Variants in A2ML1 observed in about 807,000 individuals in gnomAD.
A2ML1 encodes alpha-2-macroglobulin like 1.
Under a neutral mutation model 181.9 loss-of-function variants are expected in A2ML1, and 161 were observed. The ratio of observed to expected loss-of-function variants is 0.89; its 90% CI spans 0.78 to 1.01. The LOEUF (loss-of-function observed/expected upper bound fraction) is 1.01, where lower values mean the gene tolerates loss of function less well. A2ML1 is among the 50% of genes least tolerant of loss of function. A2ML1 has a pLI of 0.00. For missense variants in A2ML1, 1,670 were observed against 1,768.1 expected (o/e 0.94, Z 1.00); for synonymous variants, 663 against 666.8 (o/e 0.99, Z 0.09).
chr12:8,824,772 T>C (rs1169477401), intron 3 of A2ML1, among the ~76,000 whole-genome samples: 1 of 152,140 alleles, frequency 6.6e-6, no homozygotes, highest in African/African-American at 2.4e-5. Flanking sequence ...ATTATTATTC[T>C]ATTCTCTATC....
chr12:8,844,893 C>T (rs1943613845), intron 12 of A2ML1: 3 of 903,132 alleles, frequency 3.3e-6, no homozygotes, highest in African/African-American at 1.7e-5. Flanking sequence ...TGGAGCCCTG[C>T]AGGAGCGTGG....
At chr12:8,868,998 C>A (rs1944530613) in intron 32 of A2ML1, 137 bp from the exon 33 acceptor site, 5 of 781,720 alleles carry the variant, frequency 6.4e-6, no homozygotes, top group Non-Finnish European at 1.1e-5. Context: ...TGACATGCAA[C>A]TTGTAATAGT....
chr12:8,856,898 CTTTTTTTTT>C, intron 23 of A2ML1, among the ~76,000 whole-genome samples: 1 of 124,972 alleles, frequency 8.0e-6, no homozygotes, highest in Non-Finnish European at 1.6e-5. Flanking sequence ...ACAGTAGGTA[CTTTTTTTTT>C]TTTTTTTTTT....
At chr12:8,840,551 C>A (rs1943432899) in intron 10 of A2ML1, among the ~76,000 whole-genome samples, 1 of 151,948 alleles carries the variant, frequency 6.6e-6, no homozygotes, top group African/African-American at 2.4e-5. Flanking sequence ...AGGGTGGGTG[C>A]AAATTATTTT....
intron 14 of A2ML1, among the ~76,000 whole-genome samples, chr12:8,847,098 CTTTTTTTTTTT>C (rs1212257948): frequency 1.1e-5 from 1 of 93,300 alleles, no homozygotes; most frequent in African/African-American, 4.5e-5. Flanking sequence ...CCATGCCTGG[CTTTTTTTTTTT>C]TTTTTTTTTT....
At chr12:8,869,292 C>A in intron 33 of A2ML1, 89 bp downstream of exon 33, 1 of 1,354,694 alleles carries the variant, frequency 7.4e-7, no homozygotes, top group Non-Finnish European at 1.1e-6. Context: ...GTGTCACACA[C>A]ATGGGGATGA....
At chr12:8,828,446 T>C (rs947067738) in intron 3 of A2ML1, among the ~76,000 whole-genome samples, 4 of 152,246 alleles carry the variant, frequency 2.6e-5, no homozygotes, top group Non-Finnish European at 2.9e-5. Flanking sequence ...CAAAGTCTCC[T>C]TTCACCAGCT....
At chr12:8,877,971 G>A (rs1181583731), downstream of A2ML1, among the ~76,000 whole-genome samples, 1 of 152,038 alleles carries the variant, frequency 6.6e-6, no homozygotes, top group Non-Finnish European at 1.5e-5. Flanking sequence ...AAGAAAATGT[G>A]GTCCATGTAT....
intron 11 of A2ML1, among the ~76,000 whole-genome samples, chr12:8,842,218 T>C (rs1270915345): frequency 6.7e-6 from 1 of 148,508 alleles, no homozygotes; most frequent in Admixed American, 6.7e-5. Context: ...CATATGTTTT[T>C]TTCTTTTTTT....
rs1429502685 is a variant in A2ML1, at chr12:8,852,208, A to T, written c.2464-2A>T. Reference sequence around the variant, plus strand: ...CCTTTGTCTCTTAAACATCCTCCGTAGGTTCAGACTGACCTGGCTAAATCG... The same window carrying T: ...CCTTTGTCTCTTAAACATCCTCCGTTGGTTCAGACTGACCTGGCTAAATCG... On this transcript the variant is annotated splice_acceptor_variant, in intron 19 of 35. Coordinates refer to ENST00000299698, the MANE Select transcript of A2ML1 (RefSeq NM_144670.6). LOFTEE classifies it high-confidence loss of function. This position sits in a 1 kb window ranked among gnomAD's most constrained non-coding sequence, Gnocchi z 4.2. 2.5e-6 allele frequency: 4 copies of T among 1,613,944 alleles called. No homozygotes were observed. In the African/African-American group the frequency reaches 5.3e-5, roughly 22 times the overall value.
rs1346987721 is a variant in A2ML1 at position 8,835,004 on chromosome 12, C to A, written c.483+322C>A. ...CTCCCCTTAGTGTAAGGTAATAGCC[C>A]TTGCCATAGGCATTCTCAACAGGTA... On this transcript the variant is annotated intron_variant, in intron 5 of 35. Transcript: ENST00000299698. The A allele has an allele frequency of 3.5e-5, 13 of 376,772 alleles. 1 individual carries two copies. In the Admixed American group the frequency reaches 3.9e-4, roughly 11 times the overall value. The allele number at this position is 376,772 out of a possible 1,614,324, so 23.3% of individuals were successfully genotyped here.
chr12:8,849,337 A>G (rs1354557081), intron 16 of A2ML1, among the ~76,000 whole-genome samples: 1 of 152,194 alleles, frequency 6.6e-6, no homozygotes, highest in Non-Finnish European at 1.5e-5. Context: ...CATAAGGCTC[A>G]TTGTATTTTT....
chr12:8,837,378 G>A (rs1470482376), intron 7 of A2ML1, 62 bp from the exon 8 acceptor site: 2 of 1,595,124 alleles, frequency 1.3e-6, no homozygotes, highest in Non-Finnish European at 1.7e-6. Context: ...TGGTGTTTGA[G>A]GGAAGAGTTG....
intron 25 of A2ML1, 51 bp from the exon 26 acceptor site, chr12:8,857,895 C>T: frequency 1.3e-6 from 2 of 1,595,874 alleles, no homozygotes; most frequent in Non-Finnish European, 1.7e-6. Context: ...ATGATTGCAC[C>T]CTCACCTGGA....
Position 8,845,231 on chromosome 12 carries a change from C to T in A2ML1, c.1477-211C>T, listed in dbSNP as rs745732644. 7.8e-6 allele frequency: 12 copies of T among 1,529,998 alleles called. No individual in the cohort carries two copies. The Admixed American group carries it at 1.4e-4, about 18-fold the overall frequency. The allele number at this position is 1,529,998 out of a possible 1,614,324, so 94.8% of individuals were successfully genotyped here. ...TCCCATCCACCTGCGTGGTTCTCAGCCAGACCTCCAACTGCAGGAGGAGCC... is the reference window on the plus strand; with the variant it reads ...TCCCATCCACCTGCGTGGTTCTCAGTCAGACCTCCAACTGCAGGAGGAGCC... On this transcript the variant is annotated intron_variant, in intron 12 of 35. Coordinates refer to ENST00000299698, the MANE Select transcript of A2ML1 (RefSeq NM_144670.6).
chr12:8,844,139 G>A (rs759062135), intron 12 of A2ML1, among the ~76,000 whole-genome samples: 6 of 152,062 alleles, frequency 3.9e-5, no homozygotes, highest in African/African-American at 1.4e-4. Flanking sequence ...AAATTGTGTG[G>A]GAAAATAAAA....
At chr12:8,853,926 C>A (rs748990024) in intron 20 of A2ML1, among the ~76,000 whole-genome samples, 6 of 152,128 alleles carry the variant, frequency 3.9e-5, no homozygotes, top group Non-Finnish European at 8.8e-5. Flanking sequence ...AGGTTACCTA[C>A]CACACTGGAC....
Position 8,854,210 on chromosome 12 carries a change from G to C in A2ML1, c.2673G>C (p.Lys891Asn). 6.2e-7 allele frequency: 1 copy of C among 1,609,260 alleles called. No individual in the cohort carries two copies. The highest frequency in any genetic ancestry group is 8.5e-7 in the Non-Finnish European group (1 of 1,177,652). Residue 891 changes from lysine to asparagine, a missense_variant, in exon 21 of 36, where the codon AAG becomes AAC. Coordinates refer to ENST00000299698, the MANE Select transcript of A2ML1 (RefSeq NM_144670.6). Reference sequence around the variant, plus strand: ...GCCAGAAGGGGTTTGTTCCCCAAAAGGGCCGAAGTGACACGCTCATCAAGC... The same window carrying C: ...GCCAGAAGGGGTTTGTTCCCCAAAACGGCCGAAGTGACACGCTCATCAAGC... ...CGGQKGFVPQ[K>N]GRSDTLIKPV... is the part of the protein sequence containing the mutation.
intron 18 of A2ML1, among the ~76,000 whole-genome samples, chr12:8,850,986 G>A (rs1315429952): frequency 2.6e-5 from 4 of 152,216 alleles, no homozygotes; most frequent in East Asian, 1.9e-4. Context: ...TGATCCACCC[G>A]CCTTGGCCTC....
Sources: allele counts gnomAD v4.1 joint callset (sites outside exome capture counted in the v4.1 genomes callset), GRCh38; gene constraint gnomAD v4.1.1; non-coding constraint Gnocchi (gnomAD v3.1); transcripts MANE v1.5; gene names NCBI Gene and HGNC (gene_info 2026-07-23, HGNC 2026-07-21).